Variants in GZF1 observed in about 807,000 individuals in gnomAD.
GZF1 encodes the protein GDNF inducible zinc finger protein 1, also known as GDNF-inducible zinc finger protein 1.
Under a neutral mutation model 49.4 loss-of-function variants are expected in GZF1, and 28 were observed. That is an observed-to-expected ratio of 0.57 (90% CI 0.42 to 0.78). The LOEUF is 0.78. GZF1 is among the 30% of genes least tolerant of loss of function. The pLI is 0.00. For synonymous variants in GZF1, 364 were observed against 356.0 expected, an observed-to-expected ratio of 1.02 and a Z score of -0.25; for missense variants, 798 against 916.2, an observed-to-expected ratio of 0.87 and a Z score of 1.67.
Position 23,370,079 on chromosome 20 carries a change from T to A in GZF1, c.1786-12T>A. The A allele has an allele frequency of 6.2e-7, 1 of 1,605,736 alleles. No homozygotes were observed. Among genetic ancestry groups the A allele is most frequent in the Non-Finnish European group, 8.5e-7 (1 of 1,172,500 alleles). ...CACATTCAGTGACCTTTGTTTTGTG[T>A]TTAACTTATAGATACACGATAAGAA... On this transcript the variant is annotated splice_polypyrimidine_tract_variant and intron_variant, in intron 5 of 5. Coordinates refer to ENST00000338121, the MANE Select transcript of GZF1 (RefSeq NM_022482.5).
Position 23,371,864 on chromosome 20 carries a change from T to C in GZF1, c.*1423T>C, listed in dbSNP as rs1982111288. 1 of 152,292 alleles carries C rather than the reference T, an allele frequency of 6.6e-6. No individual in the cohort carries two copies. The highest frequency in any genetic ancestry group is 1.5e-5 in the Non-Finnish European group (1 of 68,046). 9.4% of individuals were successfully genotyped at this position (152,292 alleles called of 1,614,324 possible). On this transcript the variant is annotated 3_prime_UTR_variant, in exon 6 of 6. Transcript: ENST00000338121. ...CCAGAATGAACATGTAGCTGCACTA[T>C]GCCAGAAATTAATGAGGGAAGACTT...
At position 23,369,579 on chromosome 20, in the gene GZF1, C is replaced by T. The variant is rs1981823366; in HGVS notation, c.1628-5C>T. 1.2e-6 allele frequency: 2 copies of T among 1,606,718 alleles called. No homozygotes were observed. Among genetic ancestry groups the T allele is most frequent in the African/African-American group, 1.3e-5 (1 of 74,880 alleles). On this transcript the variant is annotated splice_polypyrimidine_tract_variant and splice_region_variant and intron_variant, in intron 4 of 5. Transcript: ENST00000338121. Reference sequence around the variant, plus strand: ...CACCAGCAGTCTCCTCTCTCCCTGCCTCAGGGGAGCGTCCCTACTGCTGTG... The same window carrying T: ...CACCAGCAGTCTCCTCTCTCCCTGCTTCAGGGGAGCGTCCCTACTGCTGTG...
At chr20:23,369,334 T>A (rs1403262687) in intron 4 of GZF1, among the ~76,000 whole-genome samples, 2 of 152,230 alleles carry the variant, frequency 1.3e-5, no homozygotes, top group African/African-American at 4.8e-5. Flanking sequence ...AAAACAGGTG[T>A]CATTCCTATA....
chr20:23,361,996 C>T (rs1233827796), upstream of GZF1, among the ~76,000 whole-genome samples: 1 of 152,202 alleles, frequency 6.6e-6, no homozygotes, highest in East Asian at 1.9e-4. Context: ...TGACGCAATC[C>T]GGCGTCGCCA....
At position 23,362,231 on chromosome 20, in the gene GZF1, C is replaced by T. The variant is rs1980740986; in HGVS notation, c.-28C>T. On this transcript the variant is annotated 5_prime_UTR_variant, in exon 1 of 6. Coordinates refer to ENST00000338121, the MANE Select transcript of GZF1 (RefSeq NM_022482.5). Reference sequence around the variant, plus strand: ...ACAGCGGCTGCAGCGGGGGCGCCGGCTGGGAGGTGAGTGCGCGGCCCGTAG... The same window carrying T: ...ACAGCGGCTGCAGCGGGGGCGCCGGTTGGGAGGTGAGTGCGCGGCCCGTAG... 6.6e-6 allele frequency: 1 copy of T among 152,090 alleles called. No individual in the cohort carries two copies. Among genetic ancestry groups the T allele is most frequent in the African/African-American group, 2.4e-5 (1 of 41,410 alleles). 9.4% of individuals were successfully genotyped at this position (152,090 alleles called of 1,614,324 possible).
At chr20:23,367,139 C>G in intron 3 of GZF1, 42 bp downstream of exon 3, 1 of 1,361,146 alleles carries the variant, frequency 7.3e-7, no homozygotes, top group Non-Finnish European at 1.0e-6. Flanking sequence ...TTTCCTAGAT[C>G]TAGAAGGAAA....
At chr20:23,362,043 C>A (rs1980711771), upstream of GZF1, 1 of 152,240 alleles carries the variant, frequency 6.6e-6, no homozygotes, top group Admixed American at 6.5e-5. Flanking sequence ...CTGCCCGAAC[C>A]GCTCCGCCGC....
chr20:23,369,118 T>TAG (rs1491498581), intron 4 of GZF1, among the ~76,000 whole-genome samples, 189 bp downstream of exon 4: 1 of 152,224 alleles, frequency 6.6e-6, no homozygotes, highest in Non-Finnish European at 1.5e-5. Flanking sequence ...GGAGCACTTA[T>TAG]GTGTGTAAAC....
In GZF1 at chr20:23,365,309, A is replaced by C; in HGVS notation, c.926A>C (p.Glu309Ala). 6.2e-7 allele frequency: 1 copy of C among 1,608,022 alleles called. No individual in the cohort carries two copies. Among genetic ancestry groups the C allele is most frequent in the Non-Finnish European group, 8.5e-7 (1 of 1,176,172 alleles). The part of the protein sequence containing the change: ...EEEEEEEEDE[E>A]GEKKKSNFKC... Reference sequence around the variant, plus strand: ...GAGGAGGAGGAGGAGGAGGACGAAGAAGGGGAGAAGAAGAAGAGCAACTTT... The same window carrying C: ...GAGGAGGAGGAGGAGGAGGACGAAGCAGGGGAGAAGAAGAAGAGCAACTTT... The change falls in exon 2 of 6, where the codon GAA becomes GCA. Residue 309 changes from glutamate to alanine, a missense_variant. Transcript: ENST00000338121.
Position 23,370,682 on chromosome 20 carries a change from CTCACT to C in GZF1, c.*243_*247del. On this transcript the variant is annotated 3_prime_UTR_variant, in exon 6 of 6. Coordinates refer to ENST00000338121, the MANE Select transcript of GZF1 (RefSeq NM_022482.5). ...TTGACAAAAAGGCAGTGAACATAAC[CTCACT>C]TAATTCTGGTGTAGGGTGTATGTGC... 1 of 511,886 alleles carries C rather than the reference CTCACT, an allele frequency of 2.0e-6. No homozygotes were observed. The highest frequency in any genetic ancestry group is 3.5e-6 in the Non-Finnish European group (1 of 287,148). The allele number at this position is 511,886 out of a possible 1,614,324, so 31.7% of individuals were successfully genotyped here. A position where few individuals can be genotyped will look rare whatever the true frequency, so the allele number is the denominator to read the frequency against.
intron 3 of GZF1, among the ~76,000 whole-genome samples, chr20:23,367,782 C>G (rs1189796737): frequency 6.6e-6 from 1 of 152,192 alleles, no homozygotes; most frequent in East Asian, 1.9e-4. Context: ...TGGCTTTATT[C>G]TGCTTCAGCA....
upstream of GZF1, among the ~76,000 whole-genome samples, chr20:23,361,828 G>C (rs1042451103): frequency 6.6e-6 from 1 of 152,232 alleles, no homozygotes; most frequent in Non-Finnish European, 1.5e-5. Context: ...CTTGCGGCCA[G>C]AAGCCCGGAA....
chr20:23,372,213 A>G lies in GZF1; in HGVS notation c.*1772A>G, dbSNP rs568880300. 9 of 152,768 alleles carry G rather than the reference A, an allele frequency of 5.9e-5. No homozygotes were observed. The South Asian group carries it at 1.9e-3, about 32-fold the overall frequency. The allele number at this position is 152,768 out of a possible 1,614,324, so 9.5% of individuals were successfully genotyped here. ...TTGAATTTGTTTCCTTAGAAATTCTACAAAAAAATGTTGTTAATAAATGTC... is the reference window on the plus strand; with the variant it reads ...TTGAATTTGTTTCCTTAGAAATTCTGCAAAAAAATGTTGTTAATAAATGTC... On this transcript the variant is annotated 3_prime_UTR_variant, in exon 6 of 6. Coordinates refer to ENST00000338121, the MANE Select transcript of GZF1 (RefSeq NM_022482.5).
rs1277355400 is a variant in GZF1 at position 23,372,100 on chromosome 20, T to A, written c.*1659T>A. On this transcript the variant is annotated 3_prime_UTR_variant, in exon 6 of 6. Transcript: ENST00000338121. ...CCAGAGGAGACCGAACCTGCCCAGC[T>A]GATGTACTGTTTTATGGAATAAAGT... 1 of 152,666 alleles carries A rather than the reference T, an allele frequency of 6.6e-6. No individual in the cohort carries two copies. Among genetic ancestry groups the A allele is most frequent in the East Asian group, 1.9e-4 (1 of 5,200 alleles). 9.5% of individuals were successfully genotyped at this position (152,666 alleles called of 1,614,324 possible).
rs372769836 is a variant in GZF1 at position 23,368,634 on chromosome 20, T to C, written c.1460-128T>C. 1.2e-5 allele frequency: 6 copies of C among 496,936 alleles called. No individual in the cohort carries two copies. In the South Asian group the frequency reaches 1.7e-4, roughly 14 times the overall value. The allele number at this position is 496,936 out of a possible 1,614,324, so 30.8% of individuals were successfully genotyped here. A position where few individuals can be genotyped will look rare whatever the true frequency, so the allele number is the denominator to read the frequency against. On this transcript the variant is annotated intron_variant, in intron 3 of 5. Coordinates refer to ENST00000338121, the MANE Select transcript of GZF1 (RefSeq NM_022482.5). ...ATATATATTTTATGATAGTTTTTAC[T>C]GGAAAATGTAACATGCTGCCTACCA...
Position 23,371,183 on chromosome 20 carries a change from A to G in GZF1, c.*742A>G, listed in dbSNP as rs1982041296. ...TGTCTTAAAAAAATCAGATTAGGTA[A>G]AAGCTGTCCTACCAAAGAGTCTAGC... On this transcript the variant is annotated 3_prime_UTR_variant, in exon 6 of 6. Transcript: ENST00000338121. The G allele has an allele frequency of 6.5e-6, 1 of 152,698 alleles. No homozygotes were observed. The highest frequency in any genetic ancestry group is 6.5e-5 in the Admixed American group (1 of 15,284). 9.5% of individuals were successfully genotyped at this position (152,698 alleles called of 1,614,324 possible).
chr20:23,365,546 G>A lies in GZF1; in HGVS notation c.1163G>A (p.Arg388His), dbSNP rs138201288. 6.2e-7 allele frequency: 1 copy of A among 1,613,092 alleles called. No homozygotes were observed. The highest frequency in any genetic ancestry group is 8.5e-7 in the Non-Finnish European group (1 of 1,179,756). ...GAGCTGTGCGGGAAGAAGTTCAAGC[G>A]CAAGAAGGACGTGAAGCGGCACGTG... Reference protein sequence around the residue: ...PCELCGKKFKRKKDVKRHVLQ... With the variant: ...PCELCGKKFKHKKDVKRHVLQ... The change falls in exon 2 of 6, where the codon CGC (arginine) becomes CAC (histidine). Residue 388 changes from arginine (R) to histidine (H), a missense_variant. Arg to His is a conservative substitution (Grantham distance 29). Transcript: ENST00000338121.
chr20:23,365,625 G>A lies in GZF1; in HGVS notation c.1242G>A (p.Lys414=), dbSNP rs1340050315. Residue 414 remains lysine (K), a synonymous_variant, in exon 2 of 6, where the codon AAG becomes AAA. Transcript: ENST00000338121. ...GERHRCGQCG[K]GLSSKTALRL... ...GGCACCGCTGCGGCCAGTGCGGCAA[G>A]GGCCTGAGTTCCAAGACAGCGCTGC... 6.2e-7 allele frequency: 1 copy of A among 1,605,368 alleles called. No homozygotes were observed. The highest frequency in any genetic ancestry group is 8.5e-7 in the Non-Finnish European group (1 of 1,179,332).
Position 23,364,399 on chromosome 20 carries a change from G to A in GZF1, c.16G>A (p.Val6Ile). The change falls in exon 2 of 6, where the codon GTT becomes ATT. Residue 6 changes from valine to isoleucine, a missense_variant. Coordinates refer to ENST00000338121, the MANE Select transcript of GZF1 (RefSeq NM_022482.5). MESGA[V>I]LLESKSSPFN... ...AGGAAGAAAGATGGAAAGCGGTGCAGTTCTGCTGGAATCCAAATCCTCCCC... is the reference window on the plus strand; with the variant it reads ...AGGAAGAAAGATGGAAAGCGGTGCAATTCTGCTGGAATCCAAATCCTCCCC... The A allele has an allele frequency of 6.3e-7, 1 of 1,594,070 alleles. No homozygotes were observed. The highest frequency in any genetic ancestry group is 8.6e-7 in the Non-Finnish European group (1 of 1,167,688).
Sources: gnomAD v4.1 joint callset for allele counts (sites outside exome capture counted in the v4.1 genomes callset) on GRCh38, gnomAD v4.1.1 for gene constraint, MANE v1.5 for transcripts, NCBI Gene and HGNC (gene_info 2026-07-23, HGNC 2026-07-21) for gene names.